ZNF536: variants seen among roughly 807,000 people sequenced by gnomAD.
The protein encoded by ZNF536 is zinc finger protein 536.
A neutral mutation model predicts 84.5 loss-of-function variants in ZNF536; 13 were observed. That is an observed-to-expected ratio of 0.15 (90% CI 0.10 to 0.24). The LOEUF (loss-of-function observed/expected upper bound fraction) is 0.24, where lower values mean the gene tolerates loss of function less well. Ranked by LOEUF, ZNF536 falls within the 10% of genes least tolerant of loss-of-function variation. ZNF536 has a pLI of 1.00. For missense variants in ZNF536, 1,536 were observed against 1,747.5 expected (o/e 0.88, Z 2.16); for synonymous variants, 811 against 742.5 (o/e 1.09, Z -1.50).
intron 1 of ZNF536, among the ~76,000 whole-genome samples, chr19:30,417,210 T>C (rs576449223): frequency 6.8e-6 from 1 of 146,546 alleles, no homozygotes; most frequent in African/African-American, 2.5e-5. Context: ...TTGGCCAGGC[T>C]GGTCTTGAAC....
At chr19:30,306,612 A>C (rs1054171493) in intron 2 of ZNF536, among the ~76,000 whole-genome samples, 1 of 152,214 alleles carries the variant, frequency 6.6e-6, no homozygotes, top group Non-Finnish European at 1.5e-5. Flanking sequence ...AAAATTGAAA[A>C]GTTGGTTATA....
chr19:30,521,615 A>G (rs1001207971), intron 2 of ZNF536, among the ~76,000 whole-genome samples: 9 of 152,096 alleles, frequency 5.9e-5, no homozygotes, highest in Admixed American at 4.6e-4. Context: ...TATTCACCCC[A>G]TTTGGGGTGA....
At chr19:30,281,895 G>A (rs1475186364) in intron 1 of ZNF536, among the ~76,000 whole-genome samples, 2 of 152,122 alleles carry the variant, frequency 1.3e-5, no homozygotes, top group East Asian at 3.9e-4. Flanking sequence ...CCTCAGGTTG[G>A]GGTCCCTGTG....
At chr19:30,601,926 T>C (rs1451388098) in intron 1 of ZNF536, among the ~76,000 whole-genome samples, 1 of 152,144 alleles carries the variant, frequency 6.6e-6, no homozygotes, top group East Asian at 1.9e-4. Context: ...GTGAGAACTG[T>C]GTTTCATGCC....
At chr19:30,343,041 G>A (rs950212334) in intron 2 of ZNF536, among the ~76,000 whole-genome samples, 10 of 152,250 alleles carry the variant, frequency 6.6e-5, no homozygotes, top group Non-Finnish European at 1.3e-4. Context: ...GGTGTTCCAG[G>A]GTCTGCAGTC....
At chr19:30,687,519 A>T (rs1320090084) in intron 1 of ZNF536, among the ~76,000 whole-genome samples, 1 of 152,222 alleles carries the variant, frequency 6.6e-6, no homozygotes, top group Non-Finnish European at 1.5e-5. Flanking sequence ...CCCTTCCCAT[A>T]CAAAAGGGAA....
intron 2 of ZNF536, among the ~76,000 whole-genome samples, chr19:30,294,287 AC>A (rs1424768743): frequency 4.6e-5 from 7 of 152,010 alleles, no homozygotes; most frequent in Non-Finnish European, 1.0e-4. Flanking sequence ...AATTTTCCCT[AC>A]CCCCAAGTCA....
chr19:30,576,970 G>A (rs1238427886), intron 1 of ZNF536, among the ~76,000 whole-genome samples: 1 of 152,166 alleles, frequency 6.6e-6, no homozygotes, highest in African/African-American at 2.4e-5. Context: ...GGTTTTATTT[G>A]TTTGGGATTT....
intron 2 of ZNF536, among the ~76,000 whole-genome samples, chr19:30,471,126 C>T (rs544513731): frequency 9.2e-5 from 14 of 152,134 alleles, no homozygotes; most frequent in African/African-American, 3.4e-4. Context: ...TGGCTTAGAC[C>T]GTTTATCAGA....
At chr19:30,677,722 G>A (rs1156507763) in intron 1 of ZNF536, among the ~76,000 whole-genome samples, 1 of 152,202 alleles carries the variant, frequency 6.6e-6, no homozygotes, top group East Asian at 1.9e-4. Flanking sequence ...GATCTTTTGC[G>A]ATTTTTGTCT....
intron 2 of ZNF536, among the ~76,000 whole-genome samples, chr19:30,294,951 C>T (rs2045952606): frequency 1.3e-5 from 2 of 152,172 alleles, no homozygotes; most frequent in Admixed American, 6.5e-5. Flanking sequence ...GCCTGGGTGA[C>T]ATTGGAGAGC....
chr19:30,534,389 T>A (rs1397645064), intron 2 of ZNF536, among the ~76,000 whole-genome samples: 1 of 152,260 alleles, frequency 6.6e-6, no homozygotes, highest in Non-Finnish European at 1.5e-5. Flanking sequence ...TATGTCTGCA[T>A]GTCTTAGGGA....
chr19:30,278,532 G>T (rs572675571), intron 1 of ZNF536, among the ~76,000 whole-genome samples: 1 of 152,204 alleles, frequency 6.6e-6, no homozygotes, highest in African/African-American at 2.4e-5. Context: ...GGCCAGCAAG[G>T]CCCCAAGATG....
chr19:30,612,032 A>G (rs1441518275), intron 1 of ZNF536, among the ~76,000 whole-genome samples: 1 of 152,134 alleles, frequency 6.6e-6, no homozygotes, highest in Non-Finnish European at 1.5e-5. Flanking sequence ...GGGTTTGCAC[A>G]CTGAAGTGAG....
chr19:30,227,469 G>A (rs912351717), upstream of ZNF536, among the ~76,000 whole-genome samples: 1 of 152,162 alleles, frequency 6.6e-6, no homozygotes, highest in African/African-American at 2.4e-5. Flanking sequence ...CGGCGGCCGG[G>A]TTTTGTTTGC....
intron 1 of ZNF536, among the ~76,000 whole-genome samples, chr19:30,373,364 T>A (rs2048686056): frequency 6.6e-6 from 1 of 152,022 alleles, no homozygotes; most frequent in South Asian, 2.1e-4. Flanking sequence ...AGATTTTAGT[T>A]CTGTTGTTCT....
intron 3 of ZNF536, among the ~76,000 whole-genome samples, chr19:30,547,591 A>C (rs1291844145): frequency 6.6e-6 from 1 of 152,228 alleles, no homozygotes; most frequent in Non-Finnish European, 1.5e-5. Context: ...CCCATTTGTT[A>C]CATACTTTCT....
intron 2 of ZNF536, among the ~76,000 whole-genome samples, chr19:30,301,241 A>T (rs1396678023): frequency 2.6e-5 from 4 of 152,154 alleles, no homozygotes; most frequent in Non-Finnish European, 4.4e-5. Flanking sequence ...GCGACAACTT[A>T]CTTCTCATAT....
At chr19:30,317,155 A>G (rs1284482323) in intron 2 of ZNF536, among the ~76,000 whole-genome samples, 1 of 152,178 alleles carries the variant, frequency 6.6e-6, no homozygotes, top group Admixed American at 6.5e-5. Context: ...CAGCCACCCC[A>G]CAGTGAAGAC....
Sources: gnomAD v4.1 joint callset for allele counts (sites outside exome capture counted in the v4.1 genomes callset) on GRCh38, gnomAD v4.1.1 for gene constraint, MANE v1.5 for transcripts, NCBI Gene and HGNC (gene_info 2026-07-23, HGNC 2026-07-21) for gene names.